NPAS2: variants seen among roughly 807,000 people sequenced by gnomAD.
The protein encoded by NPAS2 is neuronal PAS domain protein 2.
In NPAS2, 23 loss-of-function variants were observed where a neutral mutation model predicts 107.5. That is an observed-to-expected ratio of 0.21 (90% CI 0.15 to 0.30). The LOEUF (loss-of-function observed/expected upper bound fraction) is 0.30. Among genes scored for constraint, NPAS2 ranks in the 10% least tolerant of loss-of-function variants. NPAS2 has a pLI of 1.00. For missense variants in NPAS2, 756 were observed against 1,043.3 expected, an observed-to-expected ratio of 0.72 and a Z score of 3.79; for synonymous variants, 403 against 417.5, an observed-to-expected ratio of 0.97 and a Z score of 0.42.
intron 1 of NPAS2, chr2:100,878,302 T>A: frequency 5.1e-6 from 5 of 985,444 alleles, no homozygotes; most frequent in Non-Finnish European, 6.0e-6. Context: ...CAGCATTCCC[T>A]GACATTTCTG....
chr2:100,834,725 T>C (rs1676952489), intron 1 of NPAS2, among the ~76,000 whole-genome samples: 2 of 152,020 alleles, frequency 1.3e-5, no homozygotes. Context: ...GGAGTCTCAC[T>C]CTGTTGCCCA....
At chr2:100,964,439 T>C (rs1246700299) in intron 8 of NPAS2, among the ~76,000 whole-genome samples, 1 of 152,222 alleles carries the variant, frequency 6.6e-6, no homozygotes, top group Non-Finnish European at 1.5e-5. Flanking sequence ...TTCCCACCTT[T>C]CACACCGGCG....
chr2:100,993,428 G>A lies in NPAS2; in HGVS notation c.2193G>A (p.Leu731=), dbSNP rs1411450348. ...NSSSAPMPVL[L]MGQAVLHPSF... ...GCAGCGCCCCGATGCCCGTCCTGCT[G>A]ATGGGGCAGGCGGTGCTCCACCCCA... The change falls in exon 20 of 21, where the codon CTG becomes CTA. Residue 731 remains leucine, a synonymous_variant. Transcript: ENST00000335681. 2 of 1,613,562 alleles carry A rather than the reference G, an allele frequency of 1.2e-6. No homozygotes were observed. The highest frequency in any genetic ancestry group is 1.3e-5 in the African/African-American group (1 of 75,020).
chr2:100,946,081 G>A (rs1352178145), intron 5 of NPAS2, among the ~76,000 whole-genome samples: 1 of 152,182 alleles, frequency 6.6e-6, no homozygotes, highest in Non-Finnish European at 1.5e-5. Flanking sequence ...TGTGGTGCAG[G>A]TGCCCTTGTA....
chr2:100,850,812 G>A (rs1489619857), intron 1 of NPAS2, among the ~76,000 whole-genome samples: 1 of 151,894 alleles, frequency 6.6e-6, no homozygotes, highest in Non-Finnish European at 1.5e-5. Context: ...AATTAGCCAG[G>A]CATGGTGGTG....
chr2:100,930,598 G>A (rs577945287), intron 3 of NPAS2, among the ~76,000 whole-genome samples: 8 of 150,748 alleles, frequency 5.3e-5, no homozygotes, highest in Non-Finnish European at 1.0e-4. Flanking sequence ...TTTTTTCCTC[G>A]ATTCGAGACA....
chr2:100,967,113 T>C (rs1183460241), intron 10 of NPAS2, among the ~76,000 whole-genome samples: 1 of 152,132 alleles, frequency 6.6e-6, no homozygotes, highest in Non-Finnish European at 1.5e-5. Context: ...AGTGAAGAAT[T>C]ACATTCAGCA....
chr2:100,973,463 C>T (rs72818965), intron 12 of NPAS2, among the ~76,000 whole-genome samples: 3,216 of 152,264 alleles, frequency 0.021, 44 homozygotes, highest in Non-Finnish European at 0.032. Context: ...CCAGGGACCC[C>T]GCTCTAAGGA....
chr2:100,890,814 C>T (rs978633425), intron 1 of NPAS2, among the ~76,000 whole-genome samples: 7 of 152,134 alleles, frequency 4.6e-5, no homozygotes, highest in Non-Finnish European at 8.8e-5. Flanking sequence ...CTGCTCCCTG[C>T]GGGGCCCCTT....
intron 16 of NPAS2, 23 bp downstream of exon 16, chr2:100,982,400 C>T: frequency 1.2e-6 from 2 of 1,611,800 alleles, no homozygotes; most frequent in Non-Finnish European, 1.7e-6. Flanking sequence ...CCGGGCTGGC[C>T]TCTGTCCCTG....
chr2:100,857,468 TTGTC>T (rs1459172300), intron 1 of NPAS2, among the ~76,000 whole-genome samples: 1 of 152,152 alleles, frequency 6.6e-6, no homozygotes, highest in Admixed American at 6.5e-5. Context: ...GCCCAGTGGA[TTGTC>T]AGTCAGTGTG....
intron 1 of NPAS2, among the ~76,000 whole-genome samples, chr2:100,899,758 G>A (rs1573576163): frequency 6.6e-6 from 1 of 152,250 alleles, no homozygotes; most frequent in South Asian, 2.1e-4. Context: ...AGACACATAG[G>A]ATAAATGAAG....
Position 100,905,741 on chromosome 2 carries a change from G to A in NPAS2, c.32+955G>A, listed in dbSNP as rs551833261. On this transcript the variant is annotated intron_variant, in intron 2 of 20. Coordinates refer to ENST00000335681, the MANE Select transcript of NPAS2 (RefSeq NM_002518.4). ...GCTCTCCGTCCTCTGTGACAGCCTC[G>A]TGAGCCTGCAGAGCTAAAGGGTTTG... Among the ~76,000 whole-genome samples, 11 of 152,252 alleles carry A rather than the reference G, an allele frequency of 7.2e-5. No individual in the cohort carries two copies. The South Asian group carries it at 1.2e-3, about 17-fold the overall frequency.
At chr2:100,930,291 C>T (rs972714073) in intron 3 of NPAS2, among the ~76,000 whole-genome samples, 1 of 152,046 alleles carries the variant, frequency 6.6e-6, no homozygotes, top group Non-Finnish European at 1.5e-5. Flanking sequence ...GAGAAATTTC[C>T]CTATTGAACA....
At position 100,995,850 on chromosome 2, in the gene NPAS2, G is replaced by C. The variant is rs746732039; in HGVS notation, c.*268G>C. On this transcript the variant is annotated 3_prime_UTR_variant, in exon 21 of 21. Transcript: ENST00000335681. ...GACAGGAACCAGGTGCCCCGTGTAG[G>C]CATCGTCGGTCGGTTTGCCGTCAGA... 6 of 1,520,308 alleles carry C rather than the reference G, an allele frequency of 3.9e-6. No individual in the cohort carries two copies. The highest frequency in any genetic ancestry group is 1.2e-5 in the South Asian group (1 of 82,948). 94.2% of individuals were successfully genotyped at this position (1,520,308 alleles called of 1,614,324 possible).
chr2:100,849,037 C>G (rs1175044888), intron 1 of NPAS2, among the ~76,000 whole-genome samples: 1 of 152,244 alleles, frequency 6.6e-6, no homozygotes, highest in African/African-American at 2.4e-5. Context: ...ACGGGTTTCC[C>G]TGCACACTTA....
At chr2:100,949,562 G>T (rs1427516488) in intron 7 of NPAS2, 82 bp downstream of exon 7, 3 of 791,534 alleles carry the variant, frequency 3.8e-6, no homozygotes, top group South Asian at 1.5e-5. Context: ...ATCGCCCAGG[G>T]AGGAGGAGGG....
intron 1 of NPAS2, chr2:100,878,177 T>C (rs547252214): frequency 1.0e-6 from 1 of 985,350 alleles, no homozygotes; most frequent in East Asian, 1.1e-4. Context: ...TCAGTGCGTG[T>C]GGCCGTGCAA....
intron 1 of NPAS2, among the ~76,000 whole-genome samples, chr2:100,895,316 C>G (rs1681337421): frequency 6.6e-6 from 1 of 152,228 alleles, no homozygotes; most frequent in South Asian, 2.1e-4. Context: ...CCCTTGGACT[C>G]TCTTATGCTG....
Sources: allele counts gnomAD v4.1 joint callset (sites outside exome capture counted in the v4.1 genomes callset), GRCh38; gene constraint gnomAD v4.1.1; transcripts MANE v1.5; gene names NCBI Gene and HGNC (gene_info 2026-07-23, HGNC 2026-07-21).